VWC2: variants seen among roughly 807,000 people sequenced by gnomAD.
VWC2 encodes the protein von Willebrand factor C domain containing 2, also known as brorin.
A neutral mutation model predicts 29.8 loss-of-function variants in VWC2; 14 were observed. The ratio of observed to expected loss-of-function variants is 0.47; its 90% CI spans 0.31 to 0.74. VWC2 has a LOEUF of 0.74. VWC2 is among the 30% of genes least tolerant of loss of function. VWC2 has a pLI of 0.05. For synonymous variants in VWC2, 213 were observed against 199.0 expected (o/e 1.07, Z -0.59); for missense variants, 457 against 459.8 (o/e 0.99, Z 0.05).
chr7:49,877,426 C>T (rs1791457444), intron 3 of VWC2, among the ~76,000 whole-genome samples: 2 of 119,396 alleles, frequency 1.7e-5, no homozygotes, highest in African/African-American at 3.2e-5. Context: ...CACACCATTG[C>T]ATTCCAGCCT....
chr7:49,809,408 A>G (rs959961429), intron 3 of VWC2, among the ~76,000 whole-genome samples: 7 of 152,000 alleles, frequency 4.6e-5, no homozygotes, highest in Admixed American at 3.9e-4. Flanking sequence ...TCAAGCCTAC[A>G]TATCTTTACT....
chr7:49,796,459 G>A (rs759922723), intron 2 of VWC2, among the ~76,000 whole-genome samples: 13 of 152,126 alleles, frequency 8.5e-5, no homozygotes, highest in Non-Finnish European at 1.6e-4. Context: ...ATGTCATGGT[G>A]GTCCTTATTC....
intron 1 of VWC2, among the ~76,000 whole-genome samples, chr7:49,774,511 C>G (rs1271314091): frequency 6.6e-6 from 1 of 152,228 alleles, no homozygotes; most frequent in African/African-American, 2.4e-5. Flanking sequence ...GTAGGAGGGT[C>G]TCGCGCCCAC....
At position 49,802,038 on chromosome 7, in the gene VWC2, G is replaced by A. The variant is rs77265318; in HGVS notation, c.697-673G>A. Among the ~76,000 whole-genome samples the A allele has an allele frequency of 5.2e-4, 79 of 152,324 alleles. No individual in the cohort carries two copies. The East Asian group carries it at 0.014, about 27-fold the overall frequency. ...GGTTATAGACAAGGGATTCACCTACGTGGTGAGGGGATGGGCAAGAACTCA... is the reference window on the plus strand; with the variant it reads ...GGTTATAGACAAGGGATTCACCTACATGGTGAGGGGATGGGCAAGAACTCA... On this transcript the variant is annotated intron_variant, in intron 2 of 3. Transcript: ENST00000340652.
intron 3 of VWC2, among the ~76,000 whole-genome samples, chr7:49,841,309 CTT>C (rs11294642): frequency 0.035 from 5,114 of 145,622 alleles, 124 homozygotes; most frequent in Middle Eastern, 0.056. Context: ...TTACACATTA[CTT>C]TTTTTTTTTT....
intron 3 of VWC2, among the ~76,000 whole-genome samples, chr7:49,811,645 T>C (rs1211886547): frequency 6.6e-6 from 1 of 152,184 alleles, no homozygotes; most frequent in African/African-American, 2.4e-5. Context: ...AGAATGTTTG[T>C]AATAAAAAGG....
intron 3 of VWC2, among the ~76,000 whole-genome samples, chr7:49,859,833 G>A (rs1345417081): frequency 6.6e-6 from 1 of 151,706 alleles, no homozygotes; most frequent in Non-Finnish European, 1.5e-5. Flanking sequence ...CACTCACTCT[G>A]CTGAGGTTTT....
At chr7:49,781,304 T>C (rs1298989046) in intron 2 of VWC2, among the ~76,000 whole-genome samples, 1 of 152,224 alleles carries the variant, frequency 6.6e-6, no homozygotes, top group African/African-American at 2.4e-5. Context: ...GATGTGTTCC[T>C]AACTCAGGTG....
At chr7:49,789,126 T>C (rs982908261) in intron 2 of VWC2, among the ~76,000 whole-genome samples, 1 of 144,814 alleles carries the variant, frequency 6.9e-6, no homozygotes, top group African/African-American at 2.6e-5. Flanking sequence ...GTGTAGTGTG[T>C]GTGTGAATGG....
chr7:49,855,810 G>A lies in VWC2; in HGVS notation c.826+52970G>A, dbSNP rs1053528738. Among the ~76,000 whole-genome samples the A allele has an allele frequency of 4.6e-5, 7 of 152,116 alleles. 1 individual carries two copies. The highest frequency in any genetic ancestry group is 4.2e-4 in the South Asian group (2 of 4,812). ...CAGCTGCCCTCACCAGCCAGGGGCC[G>A]GTGGCTGACGGTGCACGTTAATTCC... On this transcript the variant is annotated intron_variant, in intron 3 of 3. Coordinates refer to ENST00000340652, the MANE Select transcript of VWC2 (RefSeq NM_198570.5).
intron 3 of VWC2, among the ~76,000 whole-genome samples, chr7:49,849,084 C>T (rs1048219145): frequency 6.6e-6 from 1 of 152,186 alleles, no homozygotes; most frequent in African/African-American, 2.4e-5. Flanking sequence ...CCTCGCATTT[C>T]TTGTCCTACT....
At chr7:49,841,916 C>T (rs554123300) in intron 3 of VWC2, among the ~76,000 whole-genome samples, 17 of 152,054 alleles carry the variant, frequency 1.1e-4, no homozygotes, top group African/African-American at 4.1e-4. Flanking sequence ...GCCCAGACTG[C>T]AGTGCAATGG....
At chr7:49,815,630 A>G (rs1789122611) in intron 3 of VWC2, among the ~76,000 whole-genome samples, 3 of 152,220 alleles carry the variant, frequency 2.0e-5, no homozygotes, top group Admixed American at 2.0e-4. Context: ...CATAATTTAA[A>G]TGGTTCTTAA....
chr7:49,828,993 C>T (rs185118809), intron 3 of VWC2, among the ~76,000 whole-genome samples: 155 of 152,296 alleles, frequency 1.0e-3, no homozygotes, highest in Non-Finnish European at 1.0e-4. Flanking sequence ...GGAACCCACA[C>T]CAAGGCTCTT....
chr7:49,866,871 C>T (rs1055393405), intron 3 of VWC2, among the ~76,000 whole-genome samples: 1 of 152,194 alleles, frequency 6.6e-6, no homozygotes, highest in African/African-American at 2.4e-5. Flanking sequence ...ATGCCTGAGG[C>T]GGGAACATGC....
intron 3 of VWC2, among the ~76,000 whole-genome samples, chr7:49,803,608 T>C (rs1232311417): frequency 1.3e-5 from 2 of 152,336 alleles, no homozygotes; most frequent in East Asian, 3.9e-4. Context: ...TTTCTGGATG[T>C]TGCCCAGGGT....
At chr7:49,829,439 G>A (rs1171915634) in intron 3 of VWC2, among the ~76,000 whole-genome samples, 1 of 152,172 alleles carries the variant, frequency 6.6e-6, no homozygotes, top group African/African-American at 2.4e-5. Context: ...TGTGTCCCAT[G>A]GAGTCATCCA....
chr7:49,775,749 A>T lies in VWC2; in HGVS notation c.314A>T (p.Lys105Met), dbSNP rs1788037826. 1.3e-6 allele frequency: 2 copies of T among 1,510,994 alleles called. No homozygotes were observed. Among genetic ancestry groups the T allele is most frequent in the Non-Finnish European group, 1.8e-6 (2 of 1,132,938 alleles). The allele number at this position is 1,510,994 out of a possible 1,614,324, so 93.6% of individuals were successfully genotyped here. Residue 105 changes from lysine (K) to methionine (M), a missense_variant, in exon 2 of 4, where the codon AAG becomes ATG. This residue lies in a region of VWC2 where 272 missense variants were observed against 202.7 expected (regional missense o/e 1.34). Coordinates refer to ENST00000340652, the MANE Select transcript of VWC2 (RefSeq NM_198570.5). ...QAWVSQGGGA[K>M]AGDLQVRPRG... Reference sequence around the variant, plus strand: ...TGGGTCTCCCAGGGCGGGGGCGCCAAGGCCGGGGATCTGCAGGTCCGGCCC... The same window carrying T: ...TGGGTCTCCCAGGGCGGGGGCGCCATGGCCGGGGATCTGCAGGTCCGGCCC...
chr7:49,796,443 T>A (rs1404278167), intron 2 of VWC2, among the ~76,000 whole-genome samples: 2 of 152,188 alleles, frequency 1.3e-5, no homozygotes, highest in Non-Finnish European at 2.9e-5. Flanking sequence ...AAGCTCCAGA[T>A]TAGACATGTC....
Sources: gnomAD v4.1 joint callset for allele counts (sites outside exome capture counted in the v4.1 genomes callset) on GRCh38, gnomAD v4.1.1 for gene constraint, gnomAD v4.1.1 regional missense constraint, MANE v1.5 for transcripts, NCBI Gene and HGNC (gene_info 2026-07-23, HGNC 2026-07-21) for gene names.